LRRC7: variants seen among roughly 807,000 people sequenced by gnomAD.
The protein encoded by LRRC7 is leucine-rich repeat-containing protein 7.
LRRC7 carries 23 observed loss-of-function variants against 175.7 expected under a neutral mutation model. The observed-to-expected ratio is 0.13, with a 90% CI of 0.09 to 0.19. LRRC7 has a LOEUF of 0.19. Among genes scored for constraint, LRRC7 ranks in the 10% least tolerant of loss-of-function variants. LRRC7 has a pLI of 1.00. For missense variants in LRRC7, 1,354 were observed against 1,904.7 expected, an observed-to-expected ratio of 0.71 and a Z score of 5.38; for synonymous variants, 685 against 680.9, an observed-to-expected ratio of 1.01 and a Z score of -0.09.
Position 69,934,500 on chromosome 1 carries a change from G to A in LRRC7, c.711+2930G>A, listed in dbSNP as rs1854222. 1.2e-4 allele frequency among the ~76,000 whole-genome samples: 10 copies of A among 86,024 alleles called. No homozygotes were observed. The Admixed American group carries it at 1.2e-3, about 10-fold the overall frequency. The allele number at this position is 86,024 out of a possible 152,430, so 56.4% of individuals were successfully genotyped here. On this transcript the variant is annotated intron_variant, in intron 8 of 26. Coordinates refer to ENST00000651989, the MANE Select transcript of LRRC7 (RefSeq NM_001370785.2). ...AACATAATAGATATTTTGGCGGGGG[G>A]GGGGCGGGGGGTGGGGGGTTTTGTT...
At chr1:69,690,319 C>T (rs1285004688) in intron 2 of LRRC7, among the ~76,000 whole-genome samples, 1 of 152,176 alleles carries the variant, frequency 6.6e-6, no homozygotes, top group East Asian at 1.9e-4. Flanking sequence ...CATAAAACTT[C>T]ATTCAACATG....
chr1:69,900,385 AAACT>A (rs1481213598), intron 7 of LRRC7, among the ~76,000 whole-genome samples: 5 of 152,244 alleles, frequency 3.3e-5, no homozygotes, highest in African/African-American at 4.8e-5. Flanking sequence ...AAATAGTGAT[AAACT>A]AACACTTCAT....
At chr1:69,618,314 T>C (rs1419376326) in intron 1 of LRRC7, among the ~76,000 whole-genome samples, 2 of 152,256 alleles carry the variant, frequency 1.3e-5, no homozygotes, top group African/African-American at 4.8e-5. Context: ...ATACCAAAGT[T>C]TCAGGTTCCT....
At chr1:70,056,757 G>C (rs1254468192) in intron 23 of LRRC7, among the ~76,000 whole-genome samples, 1 of 152,124 alleles carries the variant, frequency 6.6e-6, no homozygotes, top group Non-Finnish European at 1.5e-5. Context: ...GACTGGCTTT[G>C]TCTGATCAGT....
At chr1:69,933,403 A>G (rs575175559) in intron 8 of LRRC7, among the ~76,000 whole-genome samples, 1 of 152,324 alleles carries the variant, frequency 6.6e-6, no homozygotes, top group African/African-American at 2.4e-5. Context: ...GTGGTAAATA[A>G]CAGATAGTGG....
Position 69,773,854 on chromosome 1 carries a change from T to C in LRRC7, c.303+13461T>C, listed in dbSNP as rs986984063. On this transcript the variant is annotated intron_variant, in intron 3 of 26. Transcript: ENST00000651989. ...CGAGGTTAAAGAATGTACTAAAGGG[T>C]ATACAACTAGAAAATAGAGCTGGGC... Among the ~76,000 whole-genome samples the C allele has an allele frequency of 3.3e-5, 5 of 152,038 alleles. No homozygotes were observed. In the East Asian group the frequency reaches 9.7e-4, roughly 29 times the overall value.
At chr1:69,991,546 T>G (rs891787639) in intron 10 of LRRC7, among the ~76,000 whole-genome samples, 2 of 152,146 alleles carry the variant, frequency 1.3e-5, no homozygotes, top group Admixed American at 1.3e-4. Flanking sequence ...TTCCCTTTCT[T>G]GGTCAAAATA....
intron 26 of LRRC7, among the ~76,000 whole-genome samples, chr1:70,113,224 A>G (rs1665638125): frequency 6.6e-6 from 1 of 152,196 alleles, no homozygotes; most frequent in Admixed American, 6.5e-5. Flanking sequence ...GGCTCTCTTA[A>G]TGACCAGTAG....
chr1:70,097,568 G>C (rs953580530), intron 25 of LRRC7, among the ~76,000 whole-genome samples: 56 of 149,710 alleles, frequency 3.7e-4, no homozygotes, highest in Admixed American at 2.7e-4. Context: ...CCACTAACTC[G>C]TCATCTAGCA....
intron 2 of LRRC7, among the ~76,000 whole-genome samples, chr1:69,736,062 C>T (rs1220914571): frequency 6.6e-6 from 1 of 152,068 alleles, no homozygotes; most frequent in Non-Finnish European, 1.5e-5. Context: ...GTAACATTAG[C>T]ATTGTTCCAT....
chr1:69,633,325 TA>T (rs1307005035), intron 1 of LRRC7, among the ~76,000 whole-genome samples: 2 of 152,160 alleles, frequency 1.3e-5, no homozygotes, highest in African/African-American at 2.4e-5. Context: ...GATTAATGAT[TA>T]TGGAATAACT....
At position 69,597,609 on chromosome 1, in the gene LRRC7, A is replaced by T. The variant is rs577876124; in HGVS notation, c.2+28968A>T. 2.6e-5 allele frequency among the ~76,000 whole-genome samples: 4 copies of T among 152,154 alleles called. No individual in the cohort carries two copies. The East Asian group carries it at 7.7e-4, about 29-fold the overall frequency. ...TGGCATCAAGCATAATGTCCGTAGC[A>T]CCTAAGAAAATGCCTGATCCATAAC... On this transcript the variant is annotated intron_variant, in intron 1 of 26. Coordinates refer to ENST00000651989, the MANE Select transcript of LRRC7 (RefSeq NM_001370785.2).
intron 25 of LRRC7, among the ~76,000 whole-genome samples, chr1:70,093,719 T>C (rs1427600167): frequency 2.0e-5 from 3 of 152,134 alleles, no homozygotes; most frequent in Admixed American, 2.0e-4. Flanking sequence ...ACAGAGAAGA[T>C]TGCTAAGCAA....
intron 7 of LRRC7, among the ~76,000 whole-genome samples, chr1:69,928,251 A>G (rs1172290927): frequency 6.6e-6 from 1 of 152,204 alleles, no homozygotes; most frequent in Non-Finnish European, 1.5e-5. Flanking sequence ...CTCGGGGGTC[A>G]GGAGTCAGGG....
chr1:69,599,081 G>T (rs184746932), intron 1 of LRRC7, among the ~76,000 whole-genome samples: 1 of 151,794 alleles, frequency 6.6e-6, no homozygotes, highest in Non-Finnish European at 1.5e-5. Flanking sequence ...GCATGTATGT[G>T]TACCACTAGC....
intron 2 of LRRC7, among the ~76,000 whole-genome samples, chr1:69,756,965 T>A (rs1421267486): frequency 1.3e-5 from 2 of 151,946 alleles, no homozygotes; most frequent in African/African-American, 4.8e-5. Flanking sequence ...TCAAGTTGTT[T>A]AGAAATTCAG....
chr1:70,041,260 C>G (rs1659872294), intron 21 of LRRC7, among the ~76,000 whole-genome samples: 1 of 152,182 alleles, frequency 6.6e-6, no homozygotes, highest in African/African-American at 2.4e-5. Flanking sequence ...TTACTCTTTT[C>G]AAATAATTAT....
chr1:70,039,000 C>T lies in LRRC7; in HGVS notation c.3176C>T (p.Ala1059Val). The change falls in exon 21 of 27, where the codon GCT becomes GTT. Residue 1059 changes from alanine (A) to valine (V), a missense_variant. By Grantham distance (64) the Ala-to-Val change is moderately conservative. Around this residue, in one of 4 missense-constraint regions of LRRC7, gnomAD observed 1,032 missense variants for 1,227.2 expected, o/e 0.84. Coordinates refer to ENST00000651989, the MANE Select transcript of LRRC7 (RefSeq NM_001370785.2). ...AGTAAGGGGCCACAACAACAAAAAG[C>T]TTCTATGACAAAAAAAGTCTATCAG... ...GSSKGPQQQK[A>V]SMTKKVYQFD... is the part of the protein sequence containing the mutation. 1 of 1,613,970 alleles carries T rather than the reference C, an allele frequency of 6.2e-7. No homozygotes were observed. Among genetic ancestry groups the T allele is most frequent in the South Asian group, 1.1e-5 (1 of 91,068 alleles).
chr1:69,761,007 T>C (rs1330991000), intron 3 of LRRC7, among the ~76,000 whole-genome samples: 1 of 151,590 alleles, frequency 6.6e-6, no homozygotes, highest in Non-Finnish European at 1.5e-5. Flanking sequence ...ACACACACAC[T>C]GCCATTATGG....
Sources: allele counts gnomAD v4.1 joint callset (sites outside exome capture counted in the v4.1 genomes callset), GRCh38; gene constraint gnomAD v4.1.1; regional missense constraint gnomAD v4.1.1; transcripts MANE v1.5; gene names NCBI Gene and HGNC (gene_info 2026-07-23, HGNC 2026-07-21).